TPX2: variants seen among roughly 807,000 people sequenced by gnomAD.
TPX2 encodes the protein TPX2 microtubule nucleation factor, also known as targeting protein for Xklp2.
A neutral mutation model predicts 93.6 loss-of-function variants in TPX2; 21 were observed. That is an observed-to-expected ratio of 0.22 (90% CI 0.16 to 0.32). The LOEUF (loss-of-function observed/expected upper bound fraction) is 0.32, where lower values mean the gene tolerates loss of function less well. Among genes scored for constraint, TPX2 ranks in the 10% least tolerant of loss-of-function variants. TPX2 has a pLI of 1.00. For synonymous variants in TPX2, 281 were observed against 298.3 expected, an observed-to-expected ratio of 0.94 and a Z score of 0.60; for missense variants, 776 against 871.1, an observed-to-expected ratio of 0.89 and a Z score of 1.37.
chr20:31,798,693 C>A, intron 17 of TPX2, 141 bp downstream of exon 17: 1 of 1,036,374 alleles, frequency 9.6e-7, no homozygotes, highest in Non-Finnish European at 1.4e-6. Context: ...ATTGCACAAA[C>A]TGAGGGTGGT....
chr20:31,780,795 A>G (rs2062028420), intron 10 of TPX2: 2 of 257,586 alleles, frequency 7.8e-6, no homozygotes, highest in Non-Finnish European at 1.5e-5. Flanking sequence ...ATGCTTTAAC[A>G]TAGTTTTTAA....
Position 31,791,784 on chromosome 20 carries a change from A to G in TPX2, c.1414-951A>G, listed in dbSNP as rs115590261. Among the ~76,000 whole-genome samples, 724 of 152,340 alleles carry G rather than the reference A, an allele frequency of 4.8e-3. 10 individuals carry two copies. Among genetic ancestry groups the G allele is most frequent in the African/African-American group, 0.016 (671 of 41,570 alleles). Reference sequence around the variant, plus strand: ...AGCAGAATAGAGAGCTGATGGGGGCAGGATGTGGACACGAGTGTAACAAGA... The same window carrying G: ...AGCAGAATAGAGAGCTGATGGGGGCGGGATGTGGACACGAGTGTAACAAGA... On this transcript the variant is annotated intron_variant, in intron 12 of 17. Transcript: ENST00000300403.
intron 9 of TPX2, 29 bp from the exon 10 acceptor site, chr20:31,778,784 C>A: frequency 6.6e-7 from 1 of 1,519,894 alleles, no homozygotes; most frequent in Non-Finnish European, 8.8e-7. Context: ...CGTGACATTT[C>A]ATTTGGGGAA....
rs369170419 is a variant in TPX2, at chr20:31,796,537, CTT to C, written c.1834-865_1834-864del. Among the ~76,000 whole-genome samples the C allele has an allele frequency of 4.1e-4, 62 of 152,320 alleles. No homozygotes were observed. The East Asian group carries it at 6.7e-3, about 17-fold the overall frequency. ...CTTCTTTCAATCTATAGGCTCCTCT[CTT>C]TGCATTTTATTTGTTGAATAAACTG... is the stretch of plus-strand genomic sequence containing the variant. On this transcript the variant is annotated intron_variant, in intron 15 of 17. Coordinates refer to ENST00000300403, the MANE Select transcript of TPX2 (RefSeq NM_012112.5).
intron 17 of TPX2, among the ~76,000 whole-genome samples, chr20:31,799,400 A>G (rs1327852173): frequency 1.3e-5 from 2 of 152,254 alleles, no homozygotes; most frequent in East Asian, 1.9e-4. Context: ...AGTTAATGAT[A>G]TATTGTATTC....
At chr20:31,767,884 T>A (rs561296105) in intron 5 of TPX2, among the ~76,000 whole-genome samples, 1 of 151,974 alleles carries the variant, frequency 6.6e-6, no homozygotes, top group African/African-American at 2.4e-5. Flanking sequence ...GTTTAGTGTT[T>A]ACCCTCTCTG....
intron 8 of TPX2, among the ~76,000 whole-genome samples, chr20:31,776,798 A>G (rs2062003038): frequency 6.6e-6 from 1 of 152,170 alleles, no homozygotes; most frequent in Admixed American, 6.5e-5. Flanking sequence ...GAGTGCTGGG[A>G]TTACAGGCAT....
intron 15 of TPX2, among the ~76,000 whole-genome samples, chr20:31,797,180 A>T (rs939935068): frequency 2.0e-5 from 3 of 152,218 alleles, no homozygotes; most frequent in Non-Finnish European, 4.4e-5. Flanking sequence ...CAAACTTGGG[A>T]ATCTTAAAAG....
At chr20:31,800,605 C>G (rs1207770295) in intron 17 of TPX2, among the ~76,000 whole-genome samples, 1 of 152,154 alleles carries the variant, frequency 6.6e-6, no homozygotes, top group Admixed American at 6.5e-5. Flanking sequence ...AGACTGTACT[C>G]TGGGAAATTC....
chr20:31,747,789 T>G (rs2061793639), intron 2 of TPX2, among the ~76,000 whole-genome samples: 1 of 149,950 alleles, frequency 6.7e-6, no homozygotes, highest in Non-Finnish European at 1.5e-5. Flanking sequence ...TTTTTTTTTT[T>G]GGTGAGACCT....
At chr20:31,748,946 ATTT>A (rs11482521) in intron 2 of TPX2, among the ~76,000 whole-genome samples, 3 of 141,392 alleles carry the variant, frequency 2.1e-5, no homozygotes, top group Admixed American at 7.2e-5. Context: ...TTAAATGTGA[ATTT>A]TTTTTTTTTT....
intron 3 of TPX2, among the ~76,000 whole-genome samples, chr20:31,758,419 C>T (rs2061865613): frequency 1.3e-5 from 2 of 152,254 alleles, no homozygotes; most frequent in East Asian, 1.9e-4. Flanking sequence ...TGCGCCTGGC[C>T]CTCAATTCAT....
intron 5 of TPX2, among the ~76,000 whole-genome samples, chr20:31,767,354 G>C (rs186153055): frequency 7.8e-4 from 118 of 151,326 alleles, no homozygotes; most frequent in African/African-American, 2.7e-3. Flanking sequence ...TTGTTCTTCT[G>C]TATTACTTTA....
At chr20:31,776,050 G>GTGTTTT (rs2061995592) in intron 8 of TPX2, 62 bp downstream of exon 8, 1 of 325,920 alleles carries the variant, frequency 3.1e-6, no homozygotes, top group African/African-American at 2.9e-5. Flanking sequence ...CTTGGTAGGT[G>GTGTTTT]TTTTTTTTTT....
intron 3 of TPX2, among the ~76,000 whole-genome samples, chr20:31,759,080 A>T (rs909928028): frequency 3.3e-5 from 5 of 151,984 alleles, no homozygotes; most frequent in Admixed American, 2.0e-4. Context: ...ATTACTTTCC[A>T]ATTTCTTTCC....
Position 31,801,125 on chromosome 20 carries a change from C to A in TPX2, c.*45C>A. On this transcript the variant is annotated 3_prime_UTR_variant, in exon 18 of 18. Transcript: ENST00000300403. ...ATACCGCCCGGCAATGGGACCTGCT[C>A]TTAACCTCAAACCTAGGACCGTCTT... 6.5e-7 allele frequency: 1 copy of A among 1,548,014 alleles called. No homozygotes were observed. Among genetic ancestry groups the A allele is most frequent in the South Asian group, 1.1e-5 (1 of 89,754 alleles).
intron 12 of TPX2, among the ~76,000 whole-genome samples, chr20:31,784,255 A>C (rs1347881340): frequency 6.6e-6 from 1 of 152,230 alleles, no homozygotes; most frequent in African/African-American, 2.4e-5. Flanking sequence ...TTGACGATGT[A>C]CTGTAGTAAT....
chr20:31,780,929 T>C (rs1357120357), intron 10 of TPX2: 2 of 410,166 alleles, frequency 4.9e-6, no homozygotes, highest in Non-Finnish European at 9.5e-6. Flanking sequence ...CTTCTTGTTT[T>C]GCTTTTTAGA....
chr20:31,798,486 G>A lies in TPX2; in HGVS notation c.2067G>A (p.Leu689=), dbSNP rs748979965. The A allele has an allele frequency of 8.1e-6, 13 of 1,613,638 alleles. No homozygotes were observed. ...AEVEAQKAQQ[L]EEARLQEEEQ... Reference sequence around the variant, plus strand: ...TAGAAGCCCAGAAAGCCCAGCAGTTGGAGGAGGCCAGACTACAGGAGGAAG... The same window carrying A: ...TAGAAGCCCAGAAAGCCCAGCAGTTAGAGGAGGCCAGACTACAGGAGGAAG... Residue 689 remains leucine, a synonymous_variant, in exon 17 of 18, where the codon TTG becomes TTA. Transcript: ENST00000300403.
Sources: gnomAD v4.1 joint callset for allele counts (sites outside exome capture counted in the v4.1 genomes callset) on GRCh38, gnomAD v4.1.1 for gene constraint, MANE v1.5 for transcripts, NCBI Gene and HGNC (gene_info 2026-07-23, HGNC 2026-07-21) for gene names.